Variants in LUZP2 observed in about 807,000 individuals in gnomAD.
The protein encoded by LUZP2 is leucine zipper protein 2.
A neutral mutation model predicts 51.6 loss-of-function variants in LUZP2; 52 were observed. The ratio of observed to expected loss-of-function variants is 1.01; its 90% CI spans 0.81 to 1.27. The LOEUF is 1.27. Among genes scored for constraint, LUZP2 ranks in the 50% most tolerant of loss-of-function variants. The probability of loss-of-function intolerance (pLI) is 0.00; values close to 1 mark genes in which losing one functional copy is unlikely to be tolerated. For synonymous variants in LUZP2, 154 were observed against 137.3 expected (o/e 1.12, Z -0.85); for missense variants, 436 against 395.4 (o/e 1.10, Z -0.87).
intron 3 of LUZP2, among the ~76,000 whole-genome samples, chr11:24,735,677 G>C (rs977891568): frequency 6.6e-6 from 1 of 151,880 alleles, no homozygotes; most frequent in Non-Finnish European, 1.5e-5. Flanking sequence ...GATGAAAGAG[G>C]TGTGGAATAA....
At chr11:24,571,344 T>C (rs1022085) in intron 1 of LUZP2, among the ~76,000 whole-genome samples, 29,175 of 150,020 alleles carry the variant, frequency 0.19, 3,427 homozygotes, top group Middle Eastern at 0.36. Context: ...CAGACAGCTC[T>C]TTCAGGTTTT....
chr11:24,820,642 T>C (rs1850328788), intron 5 of LUZP2, among the ~76,000 whole-genome samples: 1 of 152,144 alleles, frequency 6.6e-6, no homozygotes, highest in African/African-American at 2.4e-5. Flanking sequence ...TTGAAATTCA[T>C]GTCCAAGATT....
At chr11:24,934,038 G>C (rs1411093172) in intron 7 of LUZP2, among the ~76,000 whole-genome samples, 1 of 152,174 alleles carries the variant, frequency 6.6e-6, no homozygotes, top group East Asian at 1.9e-4. Flanking sequence ...ATTCTCAAGG[G>C]TAGGGGAATA....
intron 1 of LUZP2, among the ~76,000 whole-genome samples, chr11:24,619,241 C>T (rs1333312356): frequency 1.3e-5 from 2 of 152,132 alleles, no homozygotes; most frequent in East Asian, 3.9e-4. Context: ...GCTATGTTGT[C>T]CAAGCTGGTC....
intron 10 of LUZP2, among the ~76,000 whole-genome samples, chr11:25,071,871 CATG>C (rs1453143463): frequency 6.6e-6 from 1 of 151,498 alleles, no homozygotes; most frequent in Non-Finnish European, 1.5e-5. Flanking sequence ...ATAAATCACA[CATG>C]ATGAAAAAGC....
At chr11:24,963,571 T>G (rs111792870) in intron 7 of LUZP2, among the ~76,000 whole-genome samples, 5 of 151,060 alleles carry the variant, frequency 3.3e-5, no homozygotes, top group Non-Finnish European at 7.4e-5. Flanking sequence ...CTCCGAGCCA[T>G]GTGCGGGATA....
At chr11:24,782,946 A>G (rs1035774009) in intron 5 of LUZP2, among the ~76,000 whole-genome samples, 1 of 152,024 alleles carries the variant, frequency 6.6e-6, no homozygotes, top group Non-Finnish European at 1.5e-5. Context: ...AAAATGAAAT[A>G]TTAGGGGCTT....
At chr11:24,963,263 G>A (rs1855472926) in intron 7 of LUZP2, among the ~76,000 whole-genome samples, 1 of 152,210 alleles carries the variant, frequency 6.6e-6, no homozygotes, top group South Asian at 2.1e-4. Context: ...ATCTCCAGCT[G>A]CGTGCTGGGA....
At chr11:24,522,557 G>C (rs577198753) in intron 1 of LUZP2, among the ~76,000 whole-genome samples, 6 of 152,120 alleles carry the variant, frequency 3.9e-5, no homozygotes, top group Non-Finnish European at 7.4e-5. Flanking sequence ...ATCCTGTATA[G>C]CTCATTGTCA....
intron 5 of LUZP2, among the ~76,000 whole-genome samples, chr11:24,789,836 T>C (rs1350689178): frequency 6.6e-6 from 1 of 152,192 alleles, no homozygotes; most frequent in African/African-American, 2.4e-5. Flanking sequence ...TCATGAGGGC[T>C]CTATCCTCAG....
At chr11:24,646,526 A>G (rs1855467501) in intron 1 of LUZP2, 1 of 920,116 alleles carries the variant, frequency 1.1e-6, no homozygotes, top group African/African-American at 1.8e-5. Flanking sequence ...TGCTTTCCTA[A>G]TTAATAGTCT....
chr11:25,051,967 G>A (rs1858530925), intron 10 of LUZP2, among the ~76,000 whole-genome samples: 2 of 151,802 alleles, frequency 1.3e-5, no homozygotes, highest in Non-Finnish European at 2.9e-5. Context: ...CCTTTGTCAG[G>A]GATAACTCTT....
At chr11:24,645,173 T>G (rs2133952087) in intron 1 of LUZP2, among the ~76,000 whole-genome samples, 2 of 152,282 alleles carry the variant, frequency 1.3e-5, no homozygotes, top group South Asian at 4.1e-4. Context: ...TATTGCAAAT[T>G]TGAGAAAGAA....
At chr11:24,773,625 A>AGG (rs1848818968) in intron 5 of LUZP2, among the ~76,000 whole-genome samples, 1 of 152,192 alleles carries the variant, frequency 6.6e-6, no homozygotes, top group African/African-American at 2.4e-5. Context: ...TTATTCACAA[A>AGG]GGTGTGTGAA....
rs539330835 is a variant in LUZP2, at chr11:24,914,181, C to T, written c.460-295C>T. Reference sequence around the variant, plus strand: ...TTAGCGTCTAAAATTAGATTGTTGGCCATGCCTGGGTGACAGAAATTTTGT... The same window carrying T: ...TTAGCGTCTAAAATTAGATTGTTGGTCATGCCTGGGTGACAGAAATTTTGT... On this transcript the variant is annotated intron_variant, in intron 6 of 11. Coordinates refer to ENST00000336930, the MANE Select transcript of LUZP2 (RefSeq NM_001009909.4). Among the ~76,000 whole-genome samples the T allele has an allele frequency of 3.9e-5, 6 of 152,236 alleles. No homozygotes were observed. In the South Asian group the frequency reaches 8.3e-4, roughly 21 times the overall value.
intron 1 of LUZP2, among the ~76,000 whole-genome samples, chr11:24,650,749 T>C (rs1855601355): frequency 6.6e-6 from 1 of 152,040 alleles, no homozygotes; most frequent in Admixed American, 6.6e-5. Context: ...AACCTGATAT[T>C]TTTGACTCAT....
chr11:24,728,507 T>C (rs1858580674), intron 1 of LUZP2, among the ~76,000 whole-genome samples: 1 of 151,874 alleles, frequency 6.6e-6, no homozygotes. Context: ...TTTTCCCTCC[T>C]CCCATTCACT....
intron 4 of LUZP2, among the ~76,000 whole-genome samples, chr11:24,738,652 C>T (rs779227348): frequency 2.0e-4 from 31 of 152,078 alleles, no homozygotes; most frequent in Admixed American, 1.2e-3. Context: ...ATAGTTAAGT[C>T]GCACCCCACA....
chr11:24,980,084 A>G (rs1453592113), intron 8 of LUZP2, among the ~76,000 whole-genome samples: 1 of 151,822 alleles, frequency 6.6e-6, no homozygotes, highest in African/African-American at 2.4e-5. Flanking sequence ...TTCATGGCAG[A>G]AATAAAGTTA....
Sources: gnomAD v4.1 joint callset for allele counts (sites outside exome capture counted in the v4.1 genomes callset) on GRCh38, gnomAD v4.1.1 for gene constraint, MANE v1.5 for transcripts, NCBI Gene and HGNC (gene_info 2026-07-23, HGNC 2026-07-21) for gene names.